Variants in CHCHD3 observed in about 807,000 individuals in gnomAD.
CHCHD3 encodes the protein coiled-coil-helix-coiled-coil-helix domain containing 3.
In CHCHD3, 20 loss-of-function variants were observed where a neutral mutation model predicts 38.2. That is an observed-to-expected ratio of 0.52 (90% CI 0.37 to 0.76). CHCHD3 has a LOEUF of 0.76. Ranked by LOEUF, CHCHD3 falls within the 30% of genes least tolerant of loss-of-function variation. The pLI is 0.00. For missense variants in CHCHD3, 245 were observed against 279.2 expected, an observed-to-expected ratio of 0.88 and a Z score of 0.87; for synonymous variants, 82 against 100.0, an observed-to-expected ratio of 0.82 and a Z score of 1.07.
At chr7:132,942,081 G>C (rs1024744028) in intron 4 of CHCHD3, among the ~76,000 whole-genome samples, 3 of 152,118 alleles carry the variant, frequency 2.0e-5, no homozygotes, top group African/African-American at 7.2e-5. Context: ...GTGACTTCCT[G>C]AACTATCCCT....
intron 2 of CHCHD3, among the ~76,000 whole-genome samples, chr7:133,065,258 A>C (rs2117528890): frequency 6.6e-6 from 1 of 152,336 alleles, no homozygotes; most frequent in African/African-American, 2.4e-5. Context: ...TATTTTGCCC[A>C]AACAGCTTTA....
chr7:133,052,781 T>C lies in CHCHD3; in HGVS notation c.169+17361A>G, dbSNP rs565828475. 8.3e-4 allele frequency among the ~76,000 whole-genome samples: 127 copies of C among 152,288 alleles called. 3 individuals carry two copies. The highest frequency in any genetic ancestry group is 3.0e-3 in the African/African-American group (125 of 41,558). On this transcript the variant is annotated intron_variant, in intron 2 of 7. Transcript: ENST00000262570. The stretch of plus-strand genomic sequence containing the variant: ...CCTCTCACAAGACATATGGAAAACC[T>C]GTACAGAAAGGAGCCAACCTTGACC...
chr7:132,810,250 C>A lies in CHCHD3; in HGVS notation c.525-13673G>T, dbSNP rs149200632. On this transcript the variant is annotated intron_variant, in intron 6 of 7. Transcript: ENST00000262570. ...TAAATATAAAAACTAGAAGAAAATA[C>A]ACCTTCGAAGTATTTTATAGCTAAT... Among the ~76,000 whole-genome samples, 445 of 152,272 alleles carry A rather than the reference C, an allele frequency of 2.9e-3. 3 individuals are homozygous for A. Among genetic ancestry groups the A allele is most frequent in the African/African-American group, 1.0e-2 (414 of 41,554 alleles).
intron 4 of CHCHD3, among the ~76,000 whole-genome samples, chr7:132,958,651 T>C (rs1293896953): frequency 6.6e-6 from 1 of 152,240 alleles, no homozygotes; most frequent in East Asian, 1.9e-4. Context: ...TTTCCTTAGA[T>C]GTATTAATAT....
intron 1 of CHCHD3, among the ~76,000 whole-genome samples, chr7:133,072,977 C>T (rs993545081): frequency 2.6e-5 from 4 of 152,150 alleles, no homozygotes; most frequent in African/African-American, 7.2e-5. Flanking sequence ...TCAAGGGTCT[C>T]CTTCCCATTT....
At chr7:132,972,758 A>C in intron 4 of CHCHD3, 16 of 985,396 alleles carry the variant, frequency 1.6e-5, no homozygotes, top group Non-Finnish European at 1.9e-5. Context: ...TGAGGGCTCT[A>C]TTTGGCAAAT....
chr7:132,928,527 T>C (rs1810432421), intron 4 of CHCHD3, among the ~76,000 whole-genome samples: 1 of 151,862 alleles, frequency 6.6e-6, no homozygotes, highest in Admixed American at 6.6e-5. Flanking sequence ...TGAAACCCCA[T>C]CTCTACTAAA....
At chr7:132,984,810 G>A (rs1187979948) in intron 3 of CHCHD3, among the ~76,000 whole-genome samples, 1 of 139,402 alleles carries the variant, frequency 7.2e-6, no homozygotes, top group Non-Finnish European at 1.6e-5. Flanking sequence ...TGGGAAGTGA[G>A]GAGCGTCTCC....
chr7:132,898,552 TC>T (rs1809570460), intron 4 of CHCHD3, among the ~76,000 whole-genome samples: 1 of 152,232 alleles, frequency 6.6e-6, no homozygotes, highest in Non-Finnish European at 1.5e-5. Flanking sequence ...ACCCAGTGGA[TC>T]CCGCACCCAG....
rs1190569904 is a variant in CHCHD3 at position 133,035,226 on chromosome 7, C to T, written c.170-10599G>A. ...CTCTTCCCGTGAACCCTTCTCTTTC[C>T]GTGGTGTGTCCTTTTTAGGCTGGGT... On this transcript the variant is annotated intron_variant, in intron 2 of 7. Coordinates refer to ENST00000262570, the MANE Select transcript of CHCHD3 (RefSeq NM_017812.4). The surrounding 1 kb of genome is among the most constrained non-coding windows in gnomAD (Gnocchi z 4.7). 27 of 1,613,618 alleles carry T rather than the reference C, an allele frequency of 1.7e-5. No individual in the cohort carries two copies. Among genetic ancestry groups the T allele is most frequent in the Non-Finnish European group, 2.2e-5 (26 of 1,179,730 alleles).
intron 5 of CHCHD3, among the ~76,000 whole-genome samples, chr7:132,854,479 C>T (rs1270569062): frequency 2.6e-5 from 4 of 152,062 alleles, no homozygotes; most frequent in Admixed American, 6.5e-5. Flanking sequence ...ACCAACTCTC[C>T]TCTAGAACAA....
chr7:132,911,790 C>A (rs1458981815), intron 4 of CHCHD3, among the ~76,000 whole-genome samples: 1 of 152,150 alleles, frequency 6.6e-6, no homozygotes, highest in Non-Finnish European at 1.5e-5. Context: ...CAAAGCAAGT[C>A]AAATGTATAA....
intron 5 of CHCHD3, among the ~76,000 whole-genome samples, chr7:132,864,938 C>G (rs945372410): frequency 2.0e-5 from 3 of 152,110 alleles, no homozygotes; most frequent in African/African-American, 2.4e-5. Context: ...AATGTCAGCA[C>G]GATCTCTACT....
intron 7 of CHCHD3, among the ~76,000 whole-genome samples, chr7:132,789,231 G>A (rs974485327): frequency 2.6e-5 from 4 of 152,176 alleles, no homozygotes; most frequent in Non-Finnish European, 5.9e-5. Flanking sequence ...GAGAAGCTTT[G>A]CAAGTTATAA....
At chr7:133,047,451 A>C (rs890435108) in intron 2 of CHCHD3, among the ~76,000 whole-genome samples, 1 of 152,226 alleles carries the variant, frequency 6.6e-6, no homozygotes, top group Non-Finnish European at 1.5e-5. Context: ...AGTTGTATTT[A>C]AGATGCAAAT....
intron 4 of CHCHD3, among the ~76,000 whole-genome samples, chr7:132,949,555 G>C (rs1277486337): frequency 6.6e-6 from 1 of 152,070 alleles, no homozygotes; most frequent in East Asian, 1.9e-4. Flanking sequence ...TCTGGAAATG[G>C]AAAAATACTT....
In CHCHD3 at chr7:132,959,685, T is replaced by C. The variant is rs528195143; in HGVS notation, c.369+15484A>G. Among the ~76,000 whole-genome samples, 15 of 142,668 alleles carry C rather than the reference T, an allele frequency of 1.1e-4. No homozygotes were observed. The South Asian group carries it at 3.3e-3, about 31-fold the overall frequency. 93.6% of individuals were successfully genotyped at this position (142,668 alleles called of 152,430 possible). A position where few individuals can be genotyped will look rare whatever the true frequency, so the allele number is the denominator to read the frequency against. On this transcript the variant is annotated intron_variant, in intron 4 of 7. Transcript: ENST00000262570. Reference sequence around the variant, plus strand: ...TTGCAGTGAGCCGAGATCGTGCCACTGTACTCCAGCCTGGGCGACAGAGCA... The same window carrying C: ...TTGCAGTGAGCCGAGATCGTGCCACCGTACTCCAGCCTGGGCGACAGAGCA...
intron 7 of CHCHD3, among the ~76,000 whole-genome samples, chr7:132,789,912 G>T (rs1439165615): frequency 2.0e-5 from 3 of 152,206 alleles, no homozygotes; most frequent in Non-Finnish European, 4.4e-5. Flanking sequence ...GTCAGGAAAA[G>T]TGGGGAGTGG....
chr7:133,038,722 C>A (rs1405853676), intron 2 of CHCHD3, among the ~76,000 whole-genome samples: 1 of 152,152 alleles, frequency 6.6e-6, no homozygotes, highest in Admixed American at 6.5e-5. Context: ...CATCATGCAA[C>A]AAATACCCCG....
Sources: allele counts gnomAD v4.1 joint callset (sites outside exome capture counted in the v4.1 genomes callset), GRCh38; gene constraint gnomAD v4.1.1; non-coding constraint Gnocchi (gnomAD v3.1); transcripts MANE v1.5; gene names NCBI Gene and HGNC (gene_info 2026-07-23, HGNC 2026-07-21).